Variants in GCLC observed in about 807,000 individuals in gnomAD.
GCLC encodes glutamate-cysteine ligase catalytic subunit.
In GCLC, 30 loss-of-function variants were observed where a neutral mutation model predicts 81.5. The ratio of observed to expected loss-of-function variants is 0.37; its 90% confidence interval spans 0.28 to 0.50. The LOEUF (loss-of-function observed/expected upper bound fraction) is 0.50, where lower values mean the gene tolerates loss of function less well. Among genes scored for constraint, GCLC ranks in the 20% least tolerant of loss-of-function variants. The pLI is 0.96. For synonymous variants in GCLC, 262 were observed against 273.3 expected (o/e 0.96, Z 0.41); for missense variants, 556 against 777.4 (o/e 0.72, Z 3.39).
chr6:53,520,367 T>C (rs1304877809), intron 3 of GCLC, among the ~76,000 whole-genome samples: 2 of 152,214 alleles, frequency 1.3e-5, no homozygotes, highest in African/African-American at 4.8e-5. Flanking sequence ...TAAATGCTGC[T>C]TTTTGAAAGT....
chr6:53,530,859 ATTCT>A (rs72454516), intron 1 of GCLC, among the ~76,000 whole-genome samples: 10,597 of 152,118 alleles, frequency 0.07, 508 homozygotes, highest in South Asian at 0.15. Flanking sequence ...CCCTTTCTCT[ATTCT>A]TTCTTCTCTT....
intron 1 of GCLC, among the ~76,000 whole-genome samples, chr6:53,529,695 G>A (rs772717604): frequency 3.3e-5 from 5 of 152,200 alleles, no homozygotes; most frequent in Middle Eastern, 3.2e-3. Context: ...TCCTAAGAAC[G>A]TATTCCCCTG....
chr6:53,521,607 G>A (rs539703234), intron 2 of GCLC, among the ~76,000 whole-genome samples: 2 of 152,268 alleles, frequency 1.3e-5, no homozygotes, highest in South Asian at 4.1e-4. Flanking sequence ...AAACGAATGA[G>A]TGGAAAATGA....
Position 53,544,625 on chromosome 6 carries a change from G to A in GCLC, c.21C>T (p.Gly7=). The A allele has an allele frequency of 6.2e-7, 1 of 1,600,324 alleles. No individual in the cohort carries two copies. The highest frequency in any genetic ancestry group is 8.5e-7 in the Non-Finnish European group (1 of 1,179,240). Residue 7 remains glycine (G), a synonymous_variant, in exon 1 of 16, where the codon GGC becomes GGT. Transcript: ENST00000650454. MGLLSQ[G]SPLSWEETKR... The stretch of plus-strand genomic sequence containing the variant: ...TGGTTTCCTCCCAGCTCAGCGGCGA[G>A]CCCTGGGACAGCAGCCCCATGGCCG...
At chr6:53,507,164 C>G (rs1366359604) in intron 9 of GCLC, 139 bp from the exon 10 acceptor site, 1 of 715,694 alleles carries the variant, frequency 1.4e-6, no homozygotes, top group Non-Finnish European at 2.6e-6. Context: ...TGATTAGTAT[C>G]CTCACCTCAC....
chr6:53,506,560 A>G lies in GCLC; in HGVS notation c.1197+353T>C. ...AGTCTATCTACAAAAAAAAAAGGTG[A>G]TATGTCTGAAGCACTGAAATAACTG... On this transcript the variant is annotated intron_variant, in intron 10 of 15. Transcript: ENST00000650454. The surrounding 1 kb of genome is among the most constrained non-coding windows in gnomAD (Gnocchi z 4.0). The G allele has an allele frequency of 3.8e-6, 1 of 260,952 alleles. No homozygotes were observed. Among genetic ancestry groups the G allele is most frequent in the Non-Finnish European group, 7.4e-6 (1 of 135,530 alleles). 16.2% of individuals were successfully genotyped at this position (260,952 alleles called of 1,614,324 possible). A position where few individuals can be genotyped will look rare whatever the true frequency, so the allele number is the denominator to read the frequency against.
At chr6:53,505,715 G>A (rs1764601419) in intron 11 of GCLC, 88 bp downstream of exon 11, 11 of 845,460 alleles carry the variant, frequency 1.3e-5, no homozygotes, top group Non-Finnish European at 1.9e-5. Flanking sequence ...TTATATATAA[G>A]AGCCTTCTCA....
rs760142939 is a variant in GCLC, at chr6:53,500,439, A to G, written c.1470T>C (p.Ile490=). ...TCTAAGATAATGTAATACCTTTGCA[A>G]ATATCTTTCCTGAAATAAAACATTC... ...LQGMFYFRKD[I]CKGGNAVVDG... Residue 490 remains isoleucine, a synonymous_variant, in exon 13 of 16, where the codon ATT becomes ATC. Coordinates refer to ENST00000650454, the MANE Select transcript of GCLC (RefSeq NM_001498.4). 2.5e-6 allele frequency: 4 copies of G among 1,610,644 alleles called. No homozygotes were observed. In the East Asian group the frequency reaches 6.7e-5, roughly 27 times the overall value.
chr6:53,509,622 G>A, intron 6 of GCLC: 1 of 308,604 alleles, frequency 3.2e-6, no homozygotes, highest in South Asian at 3.7e-5. Flanking sequence ...AAGGGATTTG[G>A]ACATGTTAAC....
At chr6:53,518,957 C>G (rs575108938) in intron 3 of GCLC, among the ~76,000 whole-genome samples, 3 of 152,196 alleles carry the variant, frequency 2.0e-5, no homozygotes, top group Non-Finnish European at 4.4e-5. Context: ...ACTCTGTCAT[C>G]TTTTAAACCA....
intron 1 of GCLC, among the ~76,000 whole-genome samples, chr6:53,538,434 C>T (rs1436960798): frequency 2.6e-5 from 4 of 151,762 alleles, no homozygotes; most frequent in Admixed American, 6.6e-5. Context: ...TCACGCCATT[C>T]TCCTGCCTCA....
intron 3 of GCLC, among the ~76,000 whole-genome samples, chr6:53,516,639 T>C (rs1764877974): frequency 6.6e-6 from 1 of 152,170 alleles, no homozygotes; most frequent in Admixed American, 6.5e-5. Context: ...TCTCAGATTA[T>C]CTTTGGACCT....
chr6:53,509,668 A>G (rs1465589991), intron 6 of GCLC: 2 of 245,912 alleles, frequency 8.1e-6, no homozygotes, highest in Non-Finnish European at 8.0e-6. Context: ...TATTTTTTTG[A>G]GATGGAGTCT....
chr6:53,527,027 C>G (rs531030852), intron 1 of GCLC, among the ~76,000 whole-genome samples: 2 of 152,164 alleles, frequency 1.3e-5, no homozygotes, highest in Non-Finnish European at 2.9e-5. Context: ...TTTAACCCAT[C>G]ATATGCTTGA....
Position 53,521,007 on chromosome 6 carries a change from T to A in GCLC, c.264-47A>T, listed in dbSNP as rs776289980. The A allele has an allele frequency of 2.0e-6, 3 of 1,475,906 alleles. No homozygotes were observed. In the South Asian group the frequency reaches 3.4e-5, roughly 17 times the overall value. The allele number at this position is 1,475,906 out of a possible 1,614,324, so 91.4% of individuals were successfully genotyped here. A position where few individuals can be genotyped will look rare whatever the true frequency, so the allele number is the denominator to read the frequency against. ...GTTCCATCTTATTCTTTTGCTATAG[T>A]CTGCTCAATTTTTAAGTTTTTAAAG... On this transcript the variant is annotated intron_variant, in intron 2 of 15. Coordinates refer to ENST00000650454, the MANE Select transcript of GCLC (RefSeq NM_001498.4).
rs1764420659 is a variant in GCLC at position 53,498,473 on chromosome 6, G to A, written c.*283C>T. The A allele has an allele frequency of 2.4e-6, 1 of 413,052 alleles. No homozygotes were observed. The highest frequency in any genetic ancestry group is 4.0e-5 in the Admixed American group (1 of 24,816). 25.6% of individuals were successfully genotyped at this position (413,052 alleles called of 1,614,324 possible). A position where few individuals can be genotyped will look rare whatever the true frequency, so the allele number is the denominator to read the frequency against. ...CATTTACAAAACTGCTTAGACAGTA[G>A]GTTGCTCCAGAGTAAGAATTTAAAA... On this transcript the variant is annotated 3_prime_UTR_variant, in exon 16 of 16. Transcript: ENST00000650454.
intron 3 of GCLC, 110 bp downstream of exon 3, chr6:53,520,665 AACC>A (rs1474658813): frequency 1.0e-5 from 9 of 878,060 alleles, no homozygotes; most frequent in Non-Finnish European, 1.4e-5. Context: ...ATAAAAGATA[AACC>A]ATCTGTAACG....
Position 53,498,704 on chromosome 6 carries a change from C to A in GCLC, c.*52G>T, listed in dbSNP as rs1442709143. On this transcript the variant is annotated 3_prime_UTR_variant, in exon 16 of 16. Coordinates refer to ENST00000650454, the MANE Select transcript of GCLC (RefSeq NM_001498.4). ...TTATACACACGGGCTGGCTGAGAGG[C>A]ATGGTACTGTAGCCAGTTCGTCAAT... The A allele has an allele frequency of 9.1e-7, 1 of 1,104,796 alleles. No individual in the cohort carries two copies. The highest frequency in any genetic ancestry group is 1.4e-6 in the Non-Finnish European group (1 of 717,112). The allele number at this position is 1,104,796 out of a possible 1,614,324, so 68.4% of individuals were successfully genotyped here.
rs188271743 is a variant in GCLC, at chr6:53,519,905, C to T, written c.446+873G>A. Among the ~76,000 whole-genome samples the T allele has an allele frequency of 8.1e-4, 123 of 152,164 alleles. 1 individual carries two copies. The highest frequency in any genetic ancestry group is 2.8e-3 in the African/African-American group (117 of 41,520). The stretch of plus-strand genomic sequence containing the variant: ...AAAATAGAATTCCCATTTAAATGCC[C>T]CTCTGAGGCCAATGATATGACCCTG... On this transcript the variant is annotated intron_variant, in intron 3 of 15. Transcript: ENST00000650454.
Sources: gnomAD v4.1 joint callset for allele counts (sites outside exome capture counted in the v4.1 genomes callset) on GRCh38, gnomAD v4.1.1 for gene constraint, Gnocchi (gnomAD v3.1) non-coding constraint, MANE v1.5 for transcripts, NCBI Gene and HGNC (gene_info 2026-07-23, HGNC 2026-07-21) for gene names.